Variants in PLEKHG4B observed in about 807,000 individuals in gnomAD.
The protein encoded by PLEKHG4B is pleckstrin homology and RhoGEF domain containing G4B.
PLEKHG4B carries 111 observed loss-of-function variants against 121.3 expected under a neutral mutation model. That is an observed-to-expected ratio of 0.92 (90% confidence interval 0.78 to 1.07). PLEKHG4B has a LOEUF of 1.07. PLEKHG4B is among the 50% of genes least tolerant of loss of function. The probability of loss-of-function intolerance (pLI) is 0.00; values close to 1 mark genes in which losing one functional copy is unlikely to be tolerated. For synonymous variants in PLEKHG4B, 738 were observed against 725.0 expected (o/e 1.02, Z -0.29); for missense variants, 1,831 against 1,757.8 (o/e 1.04, Z -0.74).
Position 163,106 on chromosome 5 carries a change from C to A in PLEKHG4B, c.3034C>A (p.Leu1012Ile), listed in dbSNP as rs1434924861. Residue 1012 changes from leucine to isoleucine, a missense_variant, in exon 13 of 20, where the codon CTC becomes ATC. Coordinates refer to ENST00000637938, the MANE Select transcript of PLEKHG4B (RefSeq NM_052909.5). The part of the protein sequence containing the change: ...AWEPAQPLSG[L>I]PGRALLCGQD... ...GGAACCTGCGCAACCACTGTCCGGC[C>A]TCCCTGGACGAGCGCTTCTGTGTGG... 5 of 1,564,776 alleles carry A rather than the reference C, an allele frequency of 3.2e-6. No homozygotes were observed. The highest frequency in any genetic ancestry group is 3.5e-6 in the Non-Finnish European group (4 of 1,154,828).
In PLEKHG4B at chr5:184,309, C is replaced by A. The variant is rs748531298; in HGVS notation, c.*1986C>A. The A allele has an allele frequency of 6.6e-6, 1 of 152,194 alleles. No homozygotes were observed. The highest frequency in any genetic ancestry group is 1.5e-5 in the Non-Finnish European group (1 of 68,050). 9.4% of individuals were successfully genotyped at this position (152,194 alleles called of 1,614,324 possible). A position where few individuals can be genotyped will look rare whatever the true frequency, so the allele number is the denominator to read the frequency against. The stretch of plus-strand genomic sequence containing the variant: ...CACATCATAATCAAATTGCATATAA[C>A]CAGTGATAAACAGAAAATCCTAAAA... On this transcript the variant is annotated 3_prime_UTR_variant, in exon 20 of 20. Coordinates refer to ENST00000637938, the MANE Select transcript of PLEKHG4B (RefSeq NM_052909.5).
chr5:128,042 T>G (rs1364040522), intron 2 of PLEKHG4B, among the ~76,000 whole-genome samples: 3 of 152,132 alleles, frequency 2.0e-5, no homozygotes, highest in Non-Finnish European at 4.4e-5. Context: ...GATAAAAGAT[T>G]GTGGAGACAA....
intron 1 of PLEKHG4B, among the ~76,000 whole-genome samples, chr5:99,198 A>G (rs1231599439): frequency 4.8e-5 from 6 of 124,126 alleles, no homozygotes; most frequent in Non-Finnish European, 8.3e-5. Context: ...ATATATATAT[A>G]TATATATATA....
At chr5:109,418 AAAAT>A (rs1286648842) in intron 1 of PLEKHG4B, among the ~76,000 whole-genome samples, 3 of 149,908 alleles carry the variant, frequency 2.0e-5, no homozygotes, top group Non-Finnish European at 4.4e-5. Context: ...AAAAAAAAAA[AAAAT>A]CCAGCCAGAG....
intron 2 of PLEKHG4B, among the ~76,000 whole-genome samples, chr5:121,492 A>C (rs759605141): frequency 5.3e-5 from 8 of 152,168 alleles, no homozygotes; most frequent in Non-Finnish European, 1.0e-4. Flanking sequence ...AGTTGCATTC[A>C]CAGAAGGGGA....
chr5:98,035 A>G (rs891776307), intron 1 of PLEKHG4B, among the ~76,000 whole-genome samples: 10 of 152,108 alleles, frequency 6.6e-5, no homozygotes, highest in Admixed American at 4.6e-4. Context: ...TTATATCTAT[A>G]TATCTTTTGA....
Position 139,018 on chromosome 5 carries a change from G to A in PLEKHG4B, c.244-465G>A, listed in dbSNP as rs1263114380. Among the ~76,000 whole-genome samples the A allele has an allele frequency of 6.6e-6, 1 of 152,248 alleles. No individual in the cohort carries two copies. Among genetic ancestry groups the A allele is most frequent in the Non-Finnish European group, 1.5e-5 (1 of 68,036 alleles). Reference sequence around the variant, plus strand: ...ACCCCTCGCTAAGGAGGCCGAGGTAGCGCCTGCAGCAGCCGGGAGCCACAG... The same window carrying A: ...ACCCCTCGCTAAGGAGGCCGAGGTAACGCCTGCAGCAGCCGGGAGCCACAG... On this transcript the variant is annotated intron_variant, in intron 2 of 19. Transcript: ENST00000637938. The surrounding 1 kb of genome is among the most constrained non-coding windows in gnomAD (Gnocchi z 5.0).
intron 2 of PLEKHG4B, among the ~76,000 whole-genome samples, chr5:119,986 G>A (rs970476415): frequency 3.3e-5 from 5 of 152,184 alleles, no homozygotes; most frequent in African/African-American, 7.2e-5. Context: ...GCATTATCAC[G>A]CCTGTAATCC....
chr5:162,615 G>T, intron 12 of PLEKHG4B, 107 bp from the exon 13 acceptor site: 1 of 818,070 alleles, frequency 1.2e-6, no homozygotes, highest in South Asian at 4.8e-5. Context: ...TCTGCTTTCT[G>T]GCCCCCTGGT....
rs769563234 is a variant in PLEKHG4B at position 144,838 on chromosome 5, G to A, written c.1823G>A (p.Arg608Gln). 27 of 1,613,072 alleles carry A rather than the reference G, an allele frequency of 1.7e-5. No homozygotes were observed. Among genetic ancestry groups the A allele is most frequent in the Middle Eastern group, 1.6e-4 (1 of 6,082 alleles). Residue 608 changes from arginine (R) to glutamine (Q), a missense_variant, in exon 6 of 20, where the codon CGG (arginine) becomes CAG (glutamine). Arg to Gln is a conservative substitution (Grantham distance 43). Coordinates refer to ENST00000637938, the MANE Select transcript of PLEKHG4B (RefSeq NM_052909.5). ...CTTTCCCTCCCCAGGAAAGAGGTCCGGGACCTGGGGCTGGTTGTCCTGGTG... is the reference window on the plus strand; with the variant it reads ...CTTTCCCTCCCCAGGAAAGAGGTCCAGGACCTGGGGCTGGTTGTCCTGGTG... ...YFHSIPRKEV[R>Q]DLGLVVLVDA... is the part of the protein sequence containing the mutation.
chr5:169,162 C>T, intron 13 of PLEKHG4B, 178 bp from the exon 14 acceptor site: 1 of 782,254 alleles, frequency 1.3e-6, no homozygotes, highest in Non-Finnish European at 2.0e-6. Flanking sequence ...GCACGAGCCC[C>T]CACGCCTGGC....
chr5:121,639 A>T (rs962222021), intron 2 of PLEKHG4B, among the ~76,000 whole-genome samples: 1 of 152,208 alleles, frequency 6.6e-6, no homozygotes, highest in African/African-American at 2.4e-5. Context: ...TGCATCAGGG[A>T]ACAGTAAGAA....
chr5:135,174 C>G (rs1296709791), intron 2 of PLEKHG4B, among the ~76,000 whole-genome samples: 4 of 111,406 alleles, frequency 3.6e-5, no homozygotes, highest in African/African-American at 8.0e-5. Flanking sequence ...GGTGACAGAA[C>G]GAGACTCCAG....
intron 2 of PLEKHG4B, among the ~76,000 whole-genome samples, chr5:122,146 A>G (rs1734486637): frequency 6.6e-6 from 1 of 152,204 alleles, no homozygotes; most frequent in Admixed American, 6.5e-5. Context: ...CTTGAGAGCA[A>G]AAATAACACA....
intron 6 of PLEKHG4B, among the ~76,000 whole-genome samples, chr5:148,403 A>G (rs1735500705): frequency 6.6e-6 from 1 of 152,198 alleles, no homozygotes; most frequent in South Asian, 2.1e-4. Flanking sequence ...ATGCAAAGTC[A>G]ACACACAAAT....
At chr5:144,515 C>T (rs1286301265) in intron 5 of PLEKHG4B, among the ~76,000 whole-genome samples, 1 of 152,200 alleles carries the variant, frequency 6.6e-6, no homozygotes, top group Non-Finnish European at 1.5e-5. Flanking sequence ...GAAGTCCTTG[C>T]TCCCTTGATG....
intron 1 of PLEKHG4B, among the ~76,000 whole-genome samples, chr5:107,863 C>G (rs184727778): frequency 1.3e-5 from 2 of 152,194 alleles, no homozygotes; most frequent in African/African-American, 4.8e-5. Context: ...CCGGGTGGGG[C>G]TGGGGCACCA....
At position 151,456 on chromosome 5, in the gene PLEKHG4B, TAATG is replaced by T. The variant is rs1735600380; in HGVS notation, c.1906-54_1906-51del. ...ACCACTCAAAATTGGGCAATTCTAT[TAATG>T]AAGTTAAAAATTAGAAAGCTAATCA... On this transcript the variant is annotated intron_variant, in intron 6 of 19. Coordinates refer to ENST00000637938, the MANE Select transcript of PLEKHG4B (RefSeq NM_052909.5). 4 of 1,221,898 alleles carry T rather than the reference TAATG, an allele frequency of 3.3e-6. No individual in the cohort carries two copies. The South Asian group carries it at 6.0e-5, about 18-fold the overall frequency. The allele number at this position is 1,221,898 out of a possible 1,614,324, so 75.7% of individuals were successfully genotyped here. A position where few individuals can be genotyped will look rare whatever the true frequency, so the allele number is the denominator to read the frequency against.
intron 6 of PLEKHG4B, among the ~76,000 whole-genome samples, chr5:148,917 A>G (rs1345950563): frequency 6.6e-6 from 1 of 152,234 alleles, no homozygotes; most frequent in East Asian, 1.9e-4. Flanking sequence ...GAAACTAACA[A>G]TCATATACAT....
Sources: allele counts gnomAD v4.1 joint callset (sites outside exome capture counted in the v4.1 genomes callset), GRCh38; gene constraint gnomAD v4.1.1; non-coding constraint Gnocchi (gnomAD v3.1); transcripts MANE v1.5; gene names NCBI Gene and HGNC (gene_info 2026-07-23, HGNC 2026-07-21).